Variants in CC2D2B observed in about 807,000 individuals in gnomAD.
CC2D2B encodes protein CC2D2B.
A neutral mutation model predicts 161.2 loss-of-function variants in CC2D2B; 128 were observed. The ratio of observed to expected loss-of-function variants is 0.79; its 90% CI spans 0.69 to 0.92. The LOEUF (loss-of-function observed/expected upper bound fraction) is 0.92. CC2D2B is among the 40% of genes least tolerant of loss of function. CC2D2B has a pLI of 0.00. For missense variants in CC2D2B, 1,173 were observed against 1,375.1 expected (o/e 0.85, Z 2.32); for synonymous variants, 391 against 449.8 (o/e 0.87, Z 1.65).
At chr10:95,940,059 AGAAACTTCTGGGAGGCCTCAG>A (rs1199528864) in intron 9 of CC2D2B, among the ~76,000 whole-genome samples, 1 of 152,160 alleles carries the variant, frequency 6.6e-6, no homozygotes, top group Admixed American at 6.5e-5. Context: ...GGAGGCCTCA[AGAAACTTCTGGGAGGCCTCAG>A]GAAACTTGCA....
chr10:96,014,874 C>A (rs1391390728), intron 29 of CC2D2B, among the ~76,000 whole-genome samples: 1 of 152,158 alleles, frequency 6.6e-6, no homozygotes, highest in Non-Finnish European at 1.5e-5. Flanking sequence ...TCCTCCCTAA[C>A]CCCCATCCTT....
intron 25 of CC2D2B, among the ~76,000 whole-genome samples, chr10:96,004,467 A>G (rs2078661833): frequency 6.6e-6 from 1 of 152,224 alleles, no homozygotes; most frequent in Admixed American, 6.5e-5. Flanking sequence ...GGAGGAATAA[A>G]TATTATCAAG....
chr10:95,961,949 A>G lies in CC2D2B; in HGVS notation c.1230A>G (p.Pro410=), dbSNP rs2076775573. 6.5e-6 allele frequency: 8 copies of G among 1,231,520 alleles called. No individual in the cohort carries two copies. The highest frequency in any genetic ancestry group is 4.2e-5 in the Admixed American group (1 of 23,668). 76.3% of individuals were successfully genotyped at this position (1,231,520 alleles called of 1,614,324 possible). A position where few individuals can be genotyped will look rare whatever the true frequency, so the allele number is the denominator to read the frequency against. ...LRHGQGFTST[P]IKLQVQRIKM... is the part of the protein sequence containing the mutation. ...ATGGGCAAGGGTTTACAAGCACCCC[A>G]ATAAAGTTACAGGTTCAGAGGTAAG... The change falls in exon 12 of 35, where the codon CCA becomes CCG. Residue 410 remains proline, a synonymous_variant. Coordinates refer to ENST00000646931, the MANE Select transcript of CC2D2B (RefSeq NM_001349008.3).
At chr10:95,970,250 T>G (rs941494229) in intron 15 of CC2D2B, among the ~76,000 whole-genome samples, 7 of 152,016 alleles carry the variant, frequency 4.6e-5, no homozygotes, top group Non-Finnish European at 8.8e-5. Context: ...GCCAGGCTGG[T>G]CTCGAACTCC....
In CC2D2B at chr10:95,972,162, G is replaced by A. The variant is rs1021813086; in HGVS notation, c.1741G>A (p.Val581Ile). The A allele has an allele frequency of 3.2e-6, 4 of 1,231,858 alleles. No individual in the cohort carries two copies. The highest frequency in any genetic ancestry group is 1.6e-5 in the African/African-American group (1 of 64,396). 76.3% of individuals were successfully genotyped at this position (1,231,858 alleles called of 1,614,324 possible). A position where few individuals can be genotyped will look rare whatever the true frequency, so the allele number is the denominator to read the frequency against. The change falls in exon 16 of 35, where the codon GTA becomes ATA. Residue 581 changes from valine (V) to isoleucine (I), a missense_variant. By Grantham distance (29) the Val-to-Ile change is conservative. Around this residue, in one of 3 missense-constraint regions of CC2D2B, gnomAD observed 277 missense variants for 420.6 expected, o/e 0.66. Coordinates refer to ENST00000646931, the MANE Select transcript of CC2D2B (RefSeq NM_001349008.3). Reference protein sequence around the residue: ...ELKGKTALQYVEFSSDKLVMP... With the variant: ...ELKGKTALQYIEFSSDKLVMP... ...GAAAGGCAAAACCGCTTTGCAATAT[G>A]TAGAGTTTAGCTCTGATAAGCTGGT...
At chr10:96,003,707 C>T (rs569008723) in intron 24 of CC2D2B, among the ~76,000 whole-genome samples, 16 of 152,038 alleles carry the variant, frequency 1.1e-4, no homozygotes, top group South Asian at 2.1e-4. Context: ...CCACCCGCCT[C>T]GGCCTCCCAA....
chr10:95,945,257 G>A (rs540571998), intron 9 of CC2D2B, among the ~76,000 whole-genome samples: 1 of 152,292 alleles, frequency 6.6e-6, no homozygotes, highest in South Asian at 2.1e-4. Flanking sequence ...TAGATTTTGT[G>A]TCAGACAAAT....
chr10:96,024,392 C>T (rs1240239076), intron 32 of CC2D2B, among the ~76,000 whole-genome samples: 1 of 152,178 alleles, frequency 6.6e-6, no homozygotes, highest in Non-Finnish European at 1.5e-5. Context: ...GTTTGTTGAG[C>T]ATTCCATATG....
rs376679143 is a variant in CC2D2B at position 95,972,328 on chromosome 10, TTTTG to T, written c.1795+129_1795+132del. 6.1e-4 allele frequency: 451 copies of T among 744,474 alleles called. 1 individual carries two copies. Among genetic ancestry groups the T allele is most frequent in the Non-Finnish European group, 7.5e-4 (409 of 545,470 alleles). The allele number at this position is 744,474 out of a possible 1,614,324, so 46.1% of individuals were successfully genotyped here. A position where few individuals can be genotyped will look rare whatever the true frequency, so the allele number is the denominator to read the frequency against. The stretch of plus-strand genomic sequence containing the variant: ...AAAATCCTGTATTTACAATATTCTT[TTTTG>T]TTTGTTTGTTTGTTTGAGACAGAAT... On this transcript the variant is annotated intron_variant, in intron 16 of 34. Coordinates refer to ENST00000646931, the MANE Select transcript of CC2D2B (RefSeq NM_001349008.3).
intron 10 of CC2D2B, chr10:95,950,675 A>G (rs762522270): frequency 6.6e-6 from 1 of 152,222 alleles, no homozygotes; most frequent in East Asian, 1.9e-4. Flanking sequence ...TCATTCAACT[A>G]ATGAATACAT....
Position 96,004,200 on chromosome 10 carries a change from TA to T in CC2D2B, c.2900del (p.Asn967ThrfsTer10). 1 of 1,555,396 alleles carries T rather than the reference TA, an allele frequency of 6.4e-7. No homozygotes were observed. The highest frequency in any genetic ancestry group is 1.2e-5 in the South Asian group (1 of 82,096). ...TCTCAAGCTTATCTAAAATAAAAGA[TA>T]ACATATATATCAACATTTTTGATGA... ...SFSSLSKIKD[N>X]IYINIFDEMM... is the part of the protein sequence containing the mutation. On this transcript the variant is annotated frameshift_variant, in exon 25 of 35. Coordinates refer to ENST00000646931, the MANE Select transcript of CC2D2B (RefSeq NM_001349008.3). LOFTEE classifies it high-confidence loss of function.
At chr10:95,952,834 C>T (rs2076448846) in intron 10 of CC2D2B, among the ~76,000 whole-genome samples, 1 of 152,024 alleles carries the variant, frequency 6.6e-6, no homozygotes, top group African/African-American at 2.4e-5. Flanking sequence ...CAGTGAATAT[C>T]CTTGTACCTA....
intron 29 of CC2D2B, among the ~76,000 whole-genome samples, chr10:96,015,231 A>ATTTTTTTTTTTTTTTTTT (rs58739011): frequency 2.7e-5 from 3 of 111,332 alleles, no homozygotes; most frequent in Non-Finnish European, 5.2e-5. Context: ...GGCCCAGCTA[A>ATTTTTTTTTTTTTTTTTT]TTTTTTTTTT....
intron 10 of CC2D2B, among the ~76,000 whole-genome samples, chr10:95,954,810 T>G (rs1186723391): frequency 6.6e-6 from 1 of 152,148 alleles, no homozygotes; most frequent in Non-Finnish European, 1.5e-5. Flanking sequence ...GTCTTGAAGT[T>G]CCCACAAATT....
intron 9 of CC2D2B, among the ~76,000 whole-genome samples, chr10:95,940,773 T>G (rs1564602642): frequency 6.6e-6 from 1 of 152,192 alleles, no homozygotes; most frequent in Non-Finnish European, 1.5e-5. Flanking sequence ...TTAGAGGACT[T>G]AATATTGTTA....
chr10:96,026,519 A>T (rs889443234), intron 33 of CC2D2B, among the ~76,000 whole-genome samples: 5 of 152,160 alleles, frequency 3.3e-5, no homozygotes, highest in African/African-American at 9.7e-5. Context: ...GATTTTCATA[A>T]GGGCAGTTTC....
intron 9 of CC2D2B, among the ~76,000 whole-genome samples, chr10:95,945,601 G>A (rs2076168814): frequency 1.3e-5 from 2 of 151,924 alleles, no homozygotes; most frequent in South Asian, 4.2e-4. Context: ...AACCAGCTTG[G>A]ATGTTTTTGT....
intron 9 of CC2D2B, among the ~76,000 whole-genome samples, chr10:95,942,979 T>G (rs1288536126): frequency 6.6e-6 from 1 of 152,158 alleles, no homozygotes; most frequent in African/African-American, 2.4e-5. Flanking sequence ...ATTTCTGAAA[T>G]GTCTTGGCTC....
rs539938630 is a variant in CC2D2B at position 96,027,369 on chromosome 10, A to C, written c.4105A>C (p.Arg1369=). 39 of 1,547,246 alleles carry C rather than the reference A, an allele frequency of 2.5e-5. No individual in the cohort carries two copies. The African/African-American group carries it at 3.8e-4, about 15-fold the overall frequency. The change falls in exon 34 of 35, where the codon AGA becomes CGA. Residue 1369 remains arginine (R), a synonymous_variant. Coordinates refer to ENST00000646931, the MANE Select transcript of CC2D2B (RefSeq NM_001349008.3). ...VSSEGDNEFE[R]ILQFYWVTGF... is the part of the protein sequence containing the mutation. ...ATCTGAAGGAGATAATGAATTTGAA[A>C]GAATACTACAATTTTATTGGGTTTG...
Sources: gnomAD v4.1 joint callset for allele counts (sites outside exome capture counted in the v4.1 genomes callset) on GRCh38, gnomAD v4.1.1 for gene constraint, gnomAD v4.1.1 regional missense constraint, MANE v1.5 for transcripts, NCBI Gene and HGNC (gene_info 2026-07-23, HGNC 2026-07-21) for gene names.